Variants in NFKBIB observed in about 807,000 individuals in gnomAD.
NFKBIB encodes the protein NFKB inhibitor beta, also known as NF-kappa-B inhibitor beta.
A neutral mutation model predicts 32.1 loss-of-function variants in NFKBIB; 16 were observed. That is an observed-to-expected ratio of 0.50 (90% CI 0.34 to 0.76). The LOEUF is 0.76. NFKBIB is among the 30% of genes least tolerant of loss of function. The pLI, the probability that NFKBIB is intolerant of heterozygous loss-of-function variation, is 0.01. For missense variants in NFKBIB, 437 were observed against 514.9 expected, an observed-to-expected ratio of 0.85 and a Z score of 1.46; for synonymous variants, 222 against 219.5, an observed-to-expected ratio of 1.01 and a Z score of -0.10.
chr19:38,906,396 G>A (rs139537365), intron 3 of NFKBIB, among the ~76,000 whole-genome samples: 7 of 151,222 alleles, frequency 4.6e-5, no homozygotes, highest in South Asian at 2.1e-4. Context: ...TGATCTGCCC[G>A]CCATGGCCTC....
chr19:38,905,626 C>T lies in NFKBIB; in HGVS notation c.619+91C>T. The stretch of plus-strand genomic sequence containing the variant: ...AGCTTCCCTGATTTGAGACTGAGCT[C>T]CTTGGGAAATCATGCCTAGGCTTCA... On this transcript the variant is annotated intron_variant, in intron 3 of 5. Coordinates refer to ENST00000313582, the MANE Select transcript of NFKBIB (RefSeq NM_002503.5). The surrounding 1 kb of genome is among the most constrained non-coding windows in gnomAD (Gnocchi z 5.5). 1 of 1,055,212 alleles carries T rather than the reference C, an allele frequency of 9.5e-7. No individual in the cohort carries two copies. The highest frequency in any genetic ancestry group is 1.4e-6 in the Non-Finnish European group (1 of 728,304). The allele number at this position is 1,055,212 out of a possible 1,614,324, so 65.4% of individuals were successfully genotyped here.
At chr19:38,907,990 C>T (rs1249391948) in intron 5 of NFKBIB, 29 of 1,178,086 alleles carry the variant, frequency 2.5e-5, no homozygotes, top group Non-Finnish European at 3.0e-5. Flanking sequence ...GGAGAACTCA[C>T]ACTGCGAAAA....
chr19:38,905,145 G>C lies in NFKBIB; in HGVS notation c.285+25G>C. 1.2e-6 allele frequency: 2 copies of C among 1,612,750 alleles called. No homozygotes were observed. Among genetic ancestry groups the C allele is most frequent in the Non-Finnish European group, 1.7e-6 (2 of 1,179,334 alleles). On this transcript the variant is annotated intron_variant, in intron 2 of 5. Coordinates refer to ENST00000313582, the MANE Select transcript of NFKBIB (RefSeq NM_002503.5). This position sits in a 1 kb window ranked among gnomAD's most constrained non-coding sequence, Gnocchi z 5.5. ...GGTGAGCCACGAGGGATGGTGTAGG[G>C]CTTGGGGTCCAGGGTTCCCAGTGTG...
In NFKBIB at chr19:38,908,779, C is replaced by A; in HGVS notation, c.1018C>A (p.Leu340Met). 6.2e-7 allele frequency: 1 copy of A among 1,613,778 alleles called. No homozygotes were observed. Among genetic ancestry groups the A allele is most frequent in the East Asian group, 2.2e-5 (1 of 44,826 alleles). ...VVHSSRSQTRLPPTPASKPLP... is the reference protein window; with the variant it reads ...VVHSSRSQTRMPPTPASKPLP... The stretch of plus-strand genomic sequence containing the variant: ...TCACAGCAGCCGCAGCCAAACCCGG[C>A]TGCCTCCCACCCCAGCCTCAAAACC... Residue 340 changes from leucine to methionine, a missense_variant, in exon 6 of 6, where the codon CTG becomes ATG. By Grantham distance (15) the Leu-to-Met change is conservative. Coordinates refer to ENST00000313582, the MANE Select transcript of NFKBIB (RefSeq NM_002503.5).
At position 38,907,401 on chromosome 19, in the gene NFKBIB, G is replaced by A; in HGVS notation, c.711G>A (p.Glu237=). 6.3e-7 allele frequency: 1 copy of A among 1,589,222 alleles called. No individual in the cohort carries two copies. Among genetic ancestry groups the A allele is most frequent in the Non-Finnish European group, 8.6e-7 (1 of 1,163,046 alleles). Residue 237 remains glutamate (E), a splice_region_variant and synonymous_variant, in exon 5 of 6, where the codon GAG becomes GAA. Transcript: ENST00000313582. ...ACCTTTCTGTTGCACCCCCACAGGAGCCCACGTGCGGCCGGAGCCCCCTTC... is the reference window on the plus strand; with the variant it reads ...ACCTTTCTGTTGCACCCCCACAGGAACCCACGTGCGGCCGGAGCCCCCTTC... ...RDAGADLDKP[E]PTCGRSPLHL...
Position 38,905,312 on chromosome 19 carries a change from C to T in NFKBIB, c.396C>T (p.His132=), listed in dbSNP as rs755002565. The change falls in exon 3 of 6, where the codon CAC becomes CAT. Residue 132 remains histidine, a synonymous_variant. Transcript: ENST00000313582. This position sits in a 1 kb window ranked among gnomAD's most constrained non-coding sequence, Gnocchi z 5.5. ...AGCGTAGGGGCCACACGGCGCTGCACCTGGCCTGCCGTGTGGGGGCACACG... is the reference window on the plus strand; with the variant it reads ...AGCGTAGGGGCCACACGGCGCTGCATCTGGCCTGCCGTGTGGGGGCACACG... ...VAERRGHTAL[H]LACRVGAHAC... 8.7e-6 allele frequency: 14 copies of T among 1,608,800 alleles called. No individual in the cohort carries two copies. The highest frequency in any genetic ancestry group is 5.3e-5 in the African/African-American group (4 of 74,864).
At position 38,908,555 on chromosome 19, in the gene NFKBIB, A is replaced by AAAAG. The variant is rs374400964; in HGVS notation, c.970-168_970-165dup. The AAAAG allele has an allele frequency of 4.9e-5, 63 of 1,295,746 alleles. 1 individual carries two copies. The highest frequency in any genetic ancestry group is 1.9e-4 in the African/African-American group (12 of 63,816). The allele number at this position is 1,295,746 out of a possible 1,614,324, so 80.3% of individuals were successfully genotyped here. A position where few individuals can be genotyped will look rare whatever the true frequency, so the allele number is the denominator to read the frequency against. On this transcript the variant is annotated intron_variant, in intron 5 of 5. Transcript: ENST00000313582. ...CTCCATCTTAAAAAAAAAAAAAAAA[A>AAAAG]AAAGAAAGAAAAGAAAATGGAGTTC...
intron 1 of NFKBIB, among the ~76,000 whole-genome samples, chr19:38,901,046 AATAG>A (rs796075139): frequency 9.2e-5 from 14 of 152,338 alleles, no homozygotes; most frequent in African/African-American, 3.1e-4. Context: ...AAAATGAGGC[AATAG>A]ATAAACAAGA....
Position 38,905,258 on chromosome 19 carries a change from C to T in NFKBIB, c.342C>T (p.Tyr114=), listed in dbSNP as rs780110862. ...AGACATCCACGGTGGAGAAGCTGTA[C>T]GCAGCAGGCGCCGGGCTGTGTGTGG... ...LGETSTVEKL[Y]AAGAGLCVAE... is the part of the protein sequence containing the mutation. The change falls in exon 3 of 6, where the codon TAC becomes TAT. Residue 114 remains tyrosine (Y), a synonymous_variant. Coordinates refer to ENST00000313582, the MANE Select transcript of NFKBIB (RefSeq NM_002503.5). This position sits in a 1 kb window ranked among gnomAD's most constrained non-coding sequence, Gnocchi z 5.5. 8.8e-6 allele frequency: 14 copies of T among 1,591,300 alleles called. No individual in the cohort carries two copies. The highest frequency in any genetic ancestry group is 1.3e-5 in the African/African-American group (1 of 74,674).
Position 38,907,615 on chromosome 19 carries a change from G to A in NFKBIB, c.925G>A (p.Gly309Ser), listed in dbSNP as rs562877095. The A allele has an allele frequency of 3.5e-5, 56 of 1,611,138 alleles. No homozygotes were observed. Among genetic ancestry groups the A allele is most frequent in the African/African-American group, 2.7e-4 (20 of 75,034 alleles). Reference protein sequence around the residue: ...PEPEGEDEKSGPCSSSSDSDS... With the variant: ...PEPEGEDEKSSPCSSSSDSDS... Reference sequence around the variant, plus strand: ...GCCCGAGGGCGAGGACGAGAAATCCGGCCCCTGCAGCAGCAGTAGCGACAG... The same window carrying A: ...GCCCGAGGGCGAGGACGAGAAATCCAGCCCCTGCAGCAGCAGTAGCGACAG... Residue 309 changes from glycine to serine, a missense_variant, in exon 5 of 6, where the codon GGC becomes AGC. By Grantham distance (56) the Gly-to-Ser change is moderately conservative. Coordinates refer to ENST00000313582, the MANE Select transcript of NFKBIB (RefSeq NM_002503.5).
At position 38,907,682 on chromosome 19, in the gene NFKBIB, G is replaced by A. The variant is rs201018844; in HGVS notation, c.969+23G>A. The A allele has an allele frequency of 3.8e-6, 6 of 1,580,214 alleles. No individual in the cohort carries two copies. The East Asian group carries it at 9.2e-5, about 24-fold the overall frequency. ...GGCGTGAGTCAGGAGGAGAGACAGG[G>A]CAGCCCAGCTGGGGGGTCAGGATAG... On this transcript the variant is annotated intron_variant, in intron 5 of 5. Coordinates refer to ENST00000313582, the MANE Select transcript of NFKBIB (RefSeq NM_002503.5).
chr19:38,906,345 T>C (rs1974116814), intron 3 of NFKBIB, among the ~76,000 whole-genome samples: 1 of 151,472 alleles, frequency 6.6e-6, no homozygotes, highest in Middle Eastern at 3.2e-3. Context: ...GGTTTTACCA[T>C]GTTGACCAGG....
At chr19:38,908,560 AAAG>A (rs1974226970) in intron 5 of NFKBIB, 168 bp from the exon 6 acceptor site, 1 of 1,310,604 alleles carries the variant, frequency 7.6e-7, no homozygotes, top group Middle Eastern at 2.8e-4. Context: ...AAAAAAAAAG[AAAG>A]AAAAGAAAAT....
rs770435150 is a variant in NFKBIB at position 38,905,332 on chromosome 19, C to T, written c.416C>T (p.Ala139Val). Residue 139 changes from alanine (A) to valine (V), a missense_variant, in exon 3 of 6, where the codon GCA becomes GTA. Ala to Val is a moderately conservative substitution (Grantham distance 64). Coordinates refer to ENST00000313582, the MANE Select transcript of NFKBIB (RefSeq NM_002503.5). The surrounding 1 kb of genome is among the most constrained non-coding windows in gnomAD (Gnocchi z 5.5). ...TALHLACRVGAHACARALLQP... is the reference protein window; with the variant it reads ...TALHLACRVGVHACARALLQP... ...CTGCACCTGGCCTGCCGTGTGGGGG[C>T]ACACGCCTGTGCCCGTGCCCTGCTT... 3.7e-6 allele frequency: 6 copies of T among 1,610,614 alleles called. No individual in the cohort carries two copies. In the East Asian group the frequency reaches 1.3e-4, roughly 36 times the overall value.
At position 38,905,586 on chromosome 19, in the gene NFKBIB, C is replaced by G. The variant is rs927336525; in HGVS notation, c.619+51C>G. On this transcript the variant is annotated intron_variant, in intron 3 of 5. Transcript: ENST00000313582. The surrounding 1 kb of genome is among the most constrained non-coding windows in gnomAD (Gnocchi z 5.5). ...TCAGCTCCTGGGCTAGGCGAGAGCA[C>G]CTGGCCCTGGGCTCAGCTTCCCTGA... is the stretch of plus-strand genomic sequence containing the variant. 7.0e-7 allele frequency: 1 copy of G among 1,438,822 alleles called. No homozygotes were observed. The highest frequency in any genetic ancestry group is 1.4e-5 in the African/African-American group (1 of 70,378). The allele number at this position is 1,438,822 out of a possible 1,614,324, so 89.1% of individuals were successfully genotyped here.
At chr19:38,908,374 A>G (rs769176792) in intron 5 of NFKBIB, 39 of 800,884 alleles carry the variant, frequency 4.9e-5, no homozygotes, top group Non-Finnish European at 5.7e-5. Flanking sequence ...CCCTGTCTCT[A>G]CTAAAAATAC....
In NFKBIB at chr19:38,905,448, G is replaced by A. The variant is rs748795116; in HGVS notation, c.532G>A (p.Ala178Thr). Reference protein sequence around the residue: ...RTPDTNHTPVALYPDSDLEKE... With the variant: ...RTPDTNHTPVTLYPDSDLEKE... ...TCCCGACACCAACCATACCCCTGTC[G>A]CCTTGTACCCCGATTCCGACTTGGA... Residue 178 changes from alanine to threonine, a missense_variant, in exon 3 of 6, where the codon GCC becomes ACC. Transcript: ENST00000313582. The surrounding 1 kb of genome is among the most constrained non-coding windows in gnomAD (Gnocchi z 5.5). 8.1e-6 allele frequency: 13 copies of A among 1,613,876 alleles called. No individual in the cohort carries two copies. The highest frequency in any genetic ancestry group is 1.6e-4 in the Middle Eastern group (1 of 6,084).
At chr19:38,903,131 A>G (rs1974018668) in intron 1 of NFKBIB, among the ~76,000 whole-genome samples, 1 of 152,088 alleles carries the variant, frequency 6.6e-6, no homozygotes, top group South Asian at 2.1e-4. Context: ...GAGAAACCAT[A>G]TGACCTACAA....
chr19:38,901,879 C>G (rs1194811907), intron 1 of NFKBIB, among the ~76,000 whole-genome samples: 4 of 152,052 alleles, frequency 2.6e-5, no homozygotes, highest in Non-Finnish European at 1.5e-5. Flanking sequence ...TGTGCCCAGA[C>G]AGTCTCTGCC....
Sources: allele counts gnomAD v4.1 joint callset (sites outside exome capture counted in the v4.1 genomes callset), GRCh38; gene constraint gnomAD v4.1.1; non-coding constraint Gnocchi (gnomAD v3.1); transcripts MANE v1.5; gene names NCBI Gene and HGNC (gene_info 2026-07-23, HGNC 2026-07-21).